NEDD4L: variants seen among roughly 807,000 people sequenced by gnomAD.
The protein encoded by NEDD4L is E3 ubiquitin-protein ligase NEDD4-like.
In NEDD4L, 54 loss-of-function variants were observed where a neutral mutation model predicts 148.9. The observed-to-expected ratio is 0.36, with a 90% confidence interval of 0.29 to 0.45. The LOEUF (loss-of-function observed/expected upper bound fraction) is 0.45. NEDD4L is among the 20% of genes least tolerant of loss of function. The pLI is 1.00. For synonymous variants in NEDD4L, 433 were observed against 440.7 expected (o/e 0.98, Z 0.22); for missense variants, 856 against 1,233.8 (o/e 0.69, Z 4.59).
At chr18:58,310,209 A>G (rs1325703479) in intron 5 of NEDD4L, among the ~76,000 whole-genome samples, 1 of 152,156 alleles carries the variant, frequency 6.6e-6, no homozygotes, top group African/African-American at 2.4e-5. Flanking sequence ...AAGTCCTGCA[A>G]ATTTGCTCTG....
chr18:58,287,041 A>T (rs1275800536), intron 5 of NEDD4L, among the ~76,000 whole-genome samples: 1 of 151,902 alleles, frequency 6.6e-6, no homozygotes, highest in African/African-American at 2.4e-5. Context: ...GTGTGCTTAG[A>T]GTGCTGATAA....
chr18:58,086,898 T>A (rs1027217410), intron 1 of NEDD4L, among the ~76,000 whole-genome samples: 8 of 152,382 alleles, frequency 5.2e-5, no homozygotes, highest in African/African-American at 1.9e-4. Context: ...GATTTCTCAC[T>A]CTGTATCCTG....
intron 6 of NEDD4L, among the ~76,000 whole-genome samples, chr18:58,321,240 G>C (rs2058743235): frequency 6.6e-6 from 1 of 152,234 alleles, no homozygotes; most frequent in Non-Finnish European, 1.5e-5. Flanking sequence ...AGGACGATAG[G>C]ATGGGGGGTG....
At chr18:58,108,557 A>G (rs1053193360) in intron 1 of NEDD4L, among the ~76,000 whole-genome samples, 4 of 151,996 alleles carry the variant, frequency 2.6e-5, no homozygotes, top group Non-Finnish European at 4.4e-5. Flanking sequence ...AGTAGCTGGG[A>G]TTTTAGGCAT....
intron 5 of NEDD4L, among the ~76,000 whole-genome samples, chr18:58,296,798 T>C (rs889158192): frequency 6.6e-6 from 1 of 152,244 alleles, no homozygotes; most frequent in African/African-American, 2.4e-5. Context: ...GGTACGCACC[T>C]ATAATTCCAG....
At chr18:58,373,032 A>C (rs1484183271) in intron 23 of NEDD4L, 142 bp from the exon 24 acceptor site, 1 of 605,036 alleles carries the variant, frequency 1.7e-6, no homozygotes. Context: ...GGTTTGGTTT[A>C]GGTGGAGCAG....
intron 23 of NEDD4L, chr18:58,372,505 A>ACG: frequency 6.6e-6 from 1 of 152,264 alleles, no homozygotes; most frequent in African/African-American, 2.4e-5. Context: ...ACAGGGTCTC[A>ACG]CTATGTTGCC....
intron 2 of NEDD4L, among the ~76,000 whole-genome samples, chr18:58,214,554 C>T (rs2147793844): frequency 6.6e-6 from 1 of 151,656 alleles, no homozygotes; most frequent in South Asian, 2.1e-4. Context: ...TCTTAAAAGA[C>T]TTAGAACAGT....
chr18:58,251,354 C>T (rs1429238799), intron 4 of NEDD4L, among the ~76,000 whole-genome samples: 1 of 152,072 alleles, frequency 6.6e-6, no homozygotes. Flanking sequence ...GGTGAAACCT[C>T]ATCTCTACAA....
At chr18:58,369,137 A>T (rs2046490463) in intron 22 of NEDD4L, among the ~76,000 whole-genome samples, 2 of 152,178 alleles carry the variant, frequency 1.3e-5, no homozygotes, top group South Asian at 4.1e-4. Flanking sequence ...CTCAGAGGAG[A>T]AAGTGACTTG....
chr18:58,256,921 C>A lies in NEDD4L; in HGVS notation c.297+4867C>A. 2 of 712,532 alleles carry A rather than the reference C, an allele frequency of 2.8e-6. No homozygotes were observed. Among genetic ancestry groups the A allele is most frequent in the Non-Finnish European group, 3.9e-6 (2 of 514,170 alleles). 44.1% of individuals were successfully genotyped at this position (712,532 alleles called of 1,614,324 possible). On this transcript the variant is annotated intron_variant, in intron 5 of 30. Coordinates refer to ENST00000400345, the MANE Select transcript of NEDD4L (RefSeq NM_001144967.3). The surrounding 1 kb of genome is among the most constrained non-coding windows in gnomAD (Gnocchi z 5.2). ...CTGAATGTTTGGCCGAGTTCTGGCA[C>A]GATGATTTGTGGTCCAGTGTTTGGT...
intron 23 of NEDD4L, 89 bp from the exon 24 acceptor site, chr18:58,373,085 G>A: frequency 2.7e-6 from 2 of 742,966 alleles, no homozygotes; most frequent in Admixed American, 4.1e-5. Flanking sequence ...ATTCTGCACA[G>A]AATTACATTA....
At chr18:58,052,568 GAC>G (rs1294998507) in intron 1 of NEDD4L, among the ~76,000 whole-genome samples, 1 of 151,938 alleles carries the variant, frequency 6.6e-6, no homozygotes, top group East Asian at 1.9e-4. Flanking sequence ...TTGGCAGGCA[GAC>G]ATCTACCAAG....
intron 17 of NEDD4L, 65 bp downstream of exon 17, chr18:58,349,679 A>T: frequency 7.8e-7 from 1 of 1,278,110 alleles, no homozygotes; most frequent in Non-Finnish European, 1.1e-6. Context: ...CTCAATGTTG[A>T]TGGAGAGGCC....
At position 58,343,109 on chromosome 18, in the gene NEDD4L, G is replaced by T; in HGVS notation, c.1575+6G>T. 1 of 1,578,472 alleles carries T rather than the reference G, an allele frequency of 6.3e-7. No homozygotes were observed. Among genetic ancestry groups the T allele is most frequent in the East Asian group, 2.3e-5 (1 of 43,826 alleles). On this transcript the variant is annotated splice_donor_region_variant and intron_variant, in intron 16 of 30. Coordinates refer to ENST00000400345, the MANE Select transcript of NEDD4L (RefSeq NM_001144967.3). ...ACACAAAGACTACAACCTGGGTAAG[G>T]CTGCTGCTTTTATTTGGCTCCATTT...
chr18:58,216,344 G>C (rs762722980), intron 2 of NEDD4L, among the ~76,000 whole-genome samples: 1 of 152,130 alleles, frequency 6.6e-6, no homozygotes, highest in Non-Finnish European at 1.5e-5. Flanking sequence ...GTGGGTGCTG[G>C]GGAATTTGCA....
chr18:58,104,141 G>A (rs948022622), intron 1 of NEDD4L, among the ~76,000 whole-genome samples: 8 of 152,204 alleles, frequency 5.3e-5, no homozygotes, highest in Non-Finnish European at 1.0e-4. Context: ...AAAAAGGGAC[G>A]AAGTACTGAT....
At chr18:58,107,818 T>TC (rs2085159862) in intron 1 of NEDD4L, among the ~76,000 whole-genome samples, 1 of 151,936 alleles carries the variant, frequency 6.6e-6, no homozygotes, top group South Asian at 2.1e-4. Context: ...GCTCATATGA[T>TC]CCTCCCATTC....
intron 1 of NEDD4L, among the ~76,000 whole-genome samples, chr18:58,121,152 G>A (rs1388227700): frequency 6.6e-6 from 1 of 152,074 alleles, no homozygotes; most frequent in African/African-American, 2.4e-5. Flanking sequence ...GTAAGATAGA[G>A]AATTGATGAC....
Sources: allele counts gnomAD v4.1 joint callset (sites outside exome capture counted in the v4.1 genomes callset), GRCh38; gene constraint gnomAD v4.1.1; non-coding constraint Gnocchi (gnomAD v3.1); transcripts MANE v1.5; gene names NCBI Gene and HGNC (gene_info 2026-07-23, HGNC 2026-07-21).